Variants in FGF12 observed in about 807,000 individuals in gnomAD.
The protein encoded by FGF12 is fibroblast growth factor 12.
A neutral mutation model predicts 23.6 loss-of-function variants in FGF12; 14 were observed. The ratio of observed to expected loss-of-function variants is 0.59; its 90% confidence interval spans 0.39 to 0.93. FGF12 has a LOEUF of 0.93. Ranked by LOEUF, FGF12 falls within the 40% of genes least tolerant of loss-of-function variation. The pLI, the probability that FGF12 is intolerant of heterozygous loss-of-function variation, is 0.00. For missense variants in FGF12, 175 were observed against 217.8 expected, an observed-to-expected ratio of 0.80 and a Z score of 1.24; for synonymous variants, 62 against 77.3, an observed-to-expected ratio of 0.80 and a Z score of 1.04.
intron 2 of FGF12, among the ~76,000 whole-genome samples, chr3:192,456,584 G>A (rs561638316): frequency 2.6e-5 from 4 of 151,928 alleles, no homozygotes; most frequent in Non-Finnish European, 4.4e-5. Context: ...CCCCATAAAT[G>A]TATACTCCTA....
chr3:192,613,934 G>A (rs1714650657), intron 2 of FGF12, among the ~76,000 whole-genome samples: 1 of 151,726 alleles, frequency 6.6e-6, no homozygotes, highest in South Asian at 2.1e-4. Flanking sequence ...TCATTTATCA[G>A]TGGTAAGAAT....
chr3:192,568,972 C>T (rs1402969645), intron 2 of FGF12, among the ~76,000 whole-genome samples: 3 of 152,126 alleles, frequency 2.0e-5, no homozygotes, highest in African/African-American at 4.8e-5. Context: ...GGCACACTTA[C>T]GTTGGTTCTC....
At chr3:192,364,673 G>C (rs532520438) in intron 2 of FGF12, among the ~76,000 whole-genome samples, 1 of 152,254 alleles carries the variant, frequency 6.6e-6, no homozygotes, top group African/African-American at 2.4e-5. Context: ...AGCCCTAGGG[G>C]CTATAGAAAC....
At chr3:192,668,018 G>A (rs1413860544) in intron 2 of FGF12, among the ~76,000 whole-genome samples, 25 of 152,090 alleles carry the variant, frequency 1.6e-4, no homozygotes, top group Admixed American at 1.6e-3. Flanking sequence ...GATGTTCATC[G>A]TTGTGATGTT....
chr3:192,293,937 A>G (rs903527192), intron 4 of FGF12, among the ~76,000 whole-genome samples: 2 of 152,050 alleles, frequency 1.3e-5, no homozygotes, highest in Non-Finnish European at 2.9e-5. Flanking sequence ...CTGTGTCCCT[A>G]CCCAAATCTC....
At chr3:192,660,099 T>C (rs1340645177) in intron 2 of FGF12, among the ~76,000 whole-genome samples, 2 of 151,774 alleles carry the variant, frequency 1.3e-5, no homozygotes, top group Non-Finnish European at 2.9e-5. Flanking sequence ...AGCAAAGACT[T>C]GGAACCAACC....
chr3:192,158,114 G>C (rs1312650949), intron 5 of FGF12, among the ~76,000 whole-genome samples: 1 of 152,082 alleles, frequency 6.6e-6, no homozygotes, highest in African/African-American at 2.4e-5. Flanking sequence ...GTTTTGACTG[G>C]TCGTAAGTCA....
intron 2 of FGF12, among the ~76,000 whole-genome samples, chr3:192,489,011 T>G (rs1723721057): frequency 6.6e-6 from 1 of 152,064 alleles, no homozygotes; most frequent in Non-Finnish European, 1.5e-5. Context: ...AATTTATGCA[T>G]CATAGAAATC....
rs541575489 is a variant in FGF12, at chr3:192,141,157, T to G, written c.*2852A>C. The G allele has an allele frequency of 1.9e-3, 143 of 75,380 alleles. 1 individual carries two copies. The highest frequency in any genetic ancestry group is 7.5e-3 in the African/African-American group (139 of 18,550). 4.7% of individuals were successfully genotyped at this position (75,380 alleles called of 1,614,324 possible). A position where few individuals can be genotyped will look rare whatever the true frequency, so the allele number is the denominator to read the frequency against. ...AAAAAAAAAAAAAAAAAAAAAAAGC[T>G]TATTTTACTTAAAAAGGAAAAGTGA... On this transcript the variant is annotated 3_prime_UTR_variant, in exon 6 of 6. Coordinates refer to ENST00000445105, the MANE Select transcript of FGF12 (RefSeq NM_004113.6).
At chr3:192,297,341 A>G (rs1485899762) in intron 4 of FGF12, among the ~76,000 whole-genome samples, 1 of 152,208 alleles carries the variant, frequency 6.6e-6, no homozygotes, top group Non-Finnish European at 1.5e-5. Flanking sequence ...AGAGAAAAGT[A>G]TACTGTTTGG....
At chr3:192,578,822 T>C (rs1222386632) in intron 2 of FGF12, among the ~76,000 whole-genome samples, 2 of 152,212 alleles carry the variant, frequency 1.3e-5, no homozygotes, top group African/African-American at 4.8e-5. Context: ...TCTCCTGTTA[T>C]TGCAAAGCGA....
At chr3:192,403,557 T>TG in intron 2 of FGF12, among the ~76,000 whole-genome samples, 1 of 151,778 alleles carries the variant, frequency 6.6e-6, no homozygotes, top group Non-Finnish European at 1.5e-5. Flanking sequence ...GTTTTTTTTT[T>TG]TTTAACAAAA....
intron 4 of FGF12, among the ~76,000 whole-genome samples, chr3:192,211,719 G>C (rs571200865): frequency 6.6e-6 from 1 of 152,202 alleles, no homozygotes; most frequent in South Asian, 2.1e-4. Context: ...GAGCCACCGT[G>C]ACTGGCCTTT....
chr3:192,437,533 A>G (rs1288311972), intron 2 of FGF12, among the ~76,000 whole-genome samples: 1 of 152,146 alleles, frequency 6.6e-6, no homozygotes, highest in Non-Finnish European at 1.5e-5. Context: ...TCTACTAAAA[A>G]TACAAACCAT....
intron 2 of FGF12, among the ~76,000 whole-genome samples, chr3:192,487,409 G>C (rs1031144233): frequency 6.6e-6 from 1 of 151,970 alleles, no homozygotes; most frequent in Non-Finnish European, 1.5e-5. Context: ...CCACACCTAG[G>C]CATGAAACAT....
At chr3:192,273,993 T>A (rs975327358) in intron 4 of FGF12, among the ~76,000 whole-genome samples, 1 of 152,086 alleles carries the variant, frequency 6.6e-6, no homozygotes, top group African/African-American at 2.4e-5. Flanking sequence ...CAGATAATTA[T>A]ACAGGCTGAA....
chr3:192,572,814 G>C (rs2108606872), intron 2 of FGF12, among the ~76,000 whole-genome samples: 1 of 152,180 alleles, frequency 6.6e-6, no homozygotes, highest in East Asian at 1.9e-4. Context: ...GGGACTCACT[G>C]TCATCACAAT....
intron 4 of FGF12, among the ~76,000 whole-genome samples, chr3:192,171,237 A>G (rs1163449081): frequency 2.6e-5 from 4 of 152,206 alleles, no homozygotes; most frequent in Non-Finnish European, 5.9e-5. Flanking sequence ...AATAATAGAA[A>G]AAAATTACTA....
intron 2 of FGF12, among the ~76,000 whole-genome samples, chr3:192,683,467 A>C (rs1214493740): frequency 2.0e-5 from 3 of 152,168 alleles, no homozygotes; most frequent in Non-Finnish European, 4.4e-5. Context: ...GAGACTAGCT[A>C]CTGATAGTGT....
Sources: gnomAD v4.1 joint callset for allele counts (sites outside exome capture counted in the v4.1 genomes callset) on GRCh38, gnomAD v4.1.1 for gene constraint, MANE v1.5 for transcripts, NCBI Gene and HGNC (gene_info 2026-07-23, HGNC 2026-07-21) for gene names.